CDCP1: variants seen among roughly 807,000 people sequenced by gnomAD.
The protein encoded by CDCP1 is CUB domain containing protein 1.
A neutral mutation model predicts 60.2 loss-of-function variants in CDCP1; 29 were observed. The ratio of observed to expected loss-of-function variants is 0.48; its 90% CI spans 0.36 to 0.66. The LOEUF (loss-of-function observed/expected upper bound fraction) is 0.66, where lower values mean the gene tolerates loss of function less well. CDCP1 is among the 30% of genes least tolerant of loss of function. The pLI is 0.00. For missense variants in CDCP1, 876 were observed against 1,074.3 expected (o/e 0.82, Z 2.58); for synonymous variants, 387 against 431.1 (o/e 0.90, Z 1.27).
At chr3:45,095,322 C>CA (rs1242976862) in intron 5 of CDCP1, 25 bp downstream of exon 5, 2 of 1,603,878 alleles carry the variant, frequency 1.2e-6, no homozygotes, top group African/African-American at 2.7e-5. Context: ...TGGCCAGGGA[C>CA]AAATGCACTG....
chr3:45,116,238 T>TAAAAAAA (rs141194206), intron 2 of CDCP1, among the ~76,000 whole-genome samples: 2 of 135,406 alleles, frequency 1.5e-5, no homozygotes, highest in African/African-American at 2.7e-5. Flanking sequence ...TACTGTTCTG[T>TAAAAAAA]TAAAAAAAAA....
chr3:45,110,825 C>G lies in CDCP1; in HGVS notation c.672G>C (p.Glu224Asp). 1 of 1,613,300 alleles carries G rather than the reference C, an allele frequency of 6.2e-7. No homozygotes were observed. The change falls in exon 4 of 9, where the codon GAG becomes GAC. Residue 224 changes from glutamate to aspartate, a missense_variant. Physicochemically the swap from Glu to Asp is conservative, Grantham distance 45. This residue lies in a region of CDCP1 where 726 missense variants were observed against 935.7 expected (regional missense o/e 0.78). Coordinates refer to ENST00000296129, the MANE Select transcript of CDCP1 (RefSeq NM_022842.5). ...RSSIKRLCIIESVFEGEGSAT... is the reference protein window; with the variant it reads ...RSSIKRLCIIDSVFEGEGSAT... ...CTGAGCCTTCACCCTCAAACACAGA[C>G]TCGATGATGCACAGACCTAGTGGGA...
At chr3:45,123,370 G>C (rs554956633) in intron 1 of CDCP1, among the ~76,000 whole-genome samples, 57 of 152,184 alleles carry the variant, frequency 3.7e-4, no homozygotes, top group African/African-American at 1.4e-3. Context: ...CCCCCACCTG[G>C]TGTCCAGCTC....
intron 7 of CDCP1, 43 bp from the exon 8 acceptor site, chr3:45,089,184 G>T: frequency 6.6e-7 from 1 of 1,523,914 alleles, no homozygotes; most frequent in Non-Finnish European, 9.1e-7. Context: ...AGGCAGCTGG[G>T]GTGAGCTCTG....
rs1284753748 is a variant in CDCP1, at chr3:45,085,880, G to T, written c.2269C>A (p.Pro757Thr). 6.2e-7 allele frequency: 1 copy of T among 1,614,176 alleles called. No individual in the cohort carries two copies. The highest frequency in any genetic ancestry group is 1.7e-5 in the Admixed American group (1 of 60,024). Residue 757 changes from proline to threonine, a missense_variant, in exon 9 of 9, where the codon CCA (proline) becomes ACA (threonine). Physicochemically the swap from Pro to Thr is conservative, Grantham distance 38 (BLOSUM62 -1). Coordinates refer to ENST00000296129, the MANE Select transcript of CDCP1 (RefSeq NM_022842.5). This position sits in a 1 kb window ranked among gnomAD's most constrained non-coding sequence, Gnocchi z 4.2. ...LQDSSGSFLQ[P>T]EVDTYRPFQG... is the part of the protein sequence containing the mutation. ...AACGGCCGGTAGGTGTCCACCTCTG[G>T]CTGCAGGAAGGAGCCGCTGGAATCC...
intron 1 of CDCP1, among the ~76,000 whole-genome samples, chr3:45,133,745 G>A (rs1243359715): frequency 8.5e-6 from 1 of 118,262 alleles, no homozygotes; most frequent in African/African-American, 3.9e-5. Flanking sequence ...AAAAAAAAGA[G>A]GCTAGCAGCC....
chr3:45,140,087 A>G (rs1699258381), intron 1 of CDCP1, among the ~76,000 whole-genome samples: 1 of 152,244 alleles, frequency 6.6e-6, no homozygotes, highest in Admixed American at 6.5e-5. Flanking sequence ...GCCTGGATGT[A>G]CACCATTCTA....
intron 2 of CDCP1, among the ~76,000 whole-genome samples, chr3:45,115,483 TG>T (rs1698772924): frequency 6.6e-6 from 1 of 152,222 alleles, no homozygotes; most frequent in Non-Finnish European, 1.5e-5. Context: ...TAAGCTGCAT[TG>T]TTTTTAATGG....
chr3:45,084,228 T>G lies in CDCP1; in HGVS notation c.*1410A>C, dbSNP rs4683038. The G allele has an allele frequency of 0.6, 90,399 of 151,286 alleles. 30,443 individuals carry two copies. The highest frequency in any genetic ancestry group is 0.88 in the East Asian group (4,461 of 5,068). 9.4% of individuals were successfully genotyped at this position (151,286 alleles called of 1,614,324 possible). A position where few individuals can be genotyped will look rare whatever the true frequency, so the allele number is the denominator to read the frequency against. On this transcript the variant is annotated 3_prime_UTR_variant, in exon 9 of 9. Transcript: ENST00000296129. Reference sequence around the variant, plus strand: ...GCATGGCCAGATCTTCTGATCTGGGTTTTTTTTTAAGTGTTAGAGTCCGCA... The same window carrying G: ...GCATGGCCAGATCTTCTGATCTGGGGTTTTTTTTAAGTGTTAGAGTCCGCA...
chr3:45,144,224 C>A (rs1229375846), intron 1 of CDCP1, among the ~76,000 whole-genome samples: 2 of 152,154 alleles, frequency 1.3e-5, no homozygotes, highest in African/African-American at 4.8e-5. Context: ...TTTTACTCTG[C>A]TGAGTCTTTC....
At chr3:45,123,003 A>ATT (rs35405744) in intron 1 of CDCP1, among the ~76,000 whole-genome samples, 3,713 of 147,522 alleles carry the variant, frequency 0.025, 144 homozygotes, top group African/African-American at 0.085. Flanking sequence ...AGACGTAGGG[A>ATT]TTTTTTTTTT....
intron 1 of CDCP1, among the ~76,000 whole-genome samples, chr3:45,126,245 TC>T (rs1331806575): frequency 2.0e-4 from 29 of 146,124 alleles, no homozygotes; most frequent in Admixed American, 8.9e-4. Context: ...CTTCCTTCCT[TC>T]CTTCTTCTCT....
chr3:45,112,754 C>T (rs910182019), intron 2 of CDCP1, among the ~76,000 whole-genome samples: 2 of 152,228 alleles, frequency 1.3e-5, no homozygotes, highest in African/African-American at 2.4e-5. Flanking sequence ...TGGCCTCCTG[C>T]AGGAATTAAA....
intron 2 of CDCP1, among the ~76,000 whole-genome samples, chr3:45,117,862 T>G (rs1698820220): frequency 6.6e-6 from 1 of 152,112 alleles, no homozygotes. Flanking sequence ...AGGGTTTCAC[T>G]GTGTTGGCCA....
In CDCP1 at chr3:45,091,670, A is replaced by G. The variant is rs2125989989; in HGVS notation, c.1628-132T>C. 2 of 1,118,096 alleles carry G rather than the reference A, an allele frequency of 1.8e-6. No homozygotes were observed. The highest frequency in any genetic ancestry group is 3.3e-5 in the South Asian group (2 of 60,836). 69.3% of individuals were successfully genotyped at this position (1,118,096 alleles called of 1,614,324 possible). A position where few individuals can be genotyped will look rare whatever the true frequency, so the allele number is the denominator to read the frequency against. On this transcript the variant is annotated intron_variant, in intron 6 of 8. Coordinates refer to ENST00000296129, the MANE Select transcript of CDCP1 (RefSeq NM_022842.5). This position sits in a 1 kb window ranked among gnomAD's most constrained non-coding sequence, Gnocchi z 4.8. ...TAACCGAACTTTCTGCGATGATGGA[A>G]ATCTTCTAGATCTGCACCATCTGAT...
In CDCP1 at chr3:45,091,129, A is replaced by ATTTTTT; in HGVS notation, c.1993+38_1993+43dup. The ATTTTTT allele has an allele frequency of 6.4e-7, 1 of 1,569,874 alleles. No homozygotes were observed. The highest frequency in any genetic ancestry group is 1.8e-5 in the Admixed American group (1 of 56,220). ...CTTGCTCTCTATCCTCCAGCTGACA[A>ATTTTTT]TTTTTTGTTCATCACTGTCCCCAAA... On this transcript the variant is annotated intron_variant, in intron 7 of 8. Coordinates refer to ENST00000296129, the MANE Select transcript of CDCP1 (RefSeq NM_022842.5). The surrounding 1 kb of genome is among the most constrained non-coding windows in gnomAD (Gnocchi z 4.8).
intron 4 of CDCP1, among the ~76,000 whole-genome samples, chr3:45,107,311 AT>A (rs1698583112): frequency 6.6e-6 from 1 of 151,600 alleles, no homozygotes; most frequent in Non-Finnish European, 1.5e-5. Flanking sequence ...GGTTCAAGCG[AT>A]TCTCCTGCCT....
intron 1 of CDCP1, among the ~76,000 whole-genome samples, chr3:45,118,847 A>G (rs530903567): frequency 6.6e-6 from 1 of 152,366 alleles, no homozygotes; most frequent in Non-Finnish European, 1.5e-5. Context: ...TGTTTGGATT[A>G]TTAATTTTTC....
At chr3:45,117,533 C>T (rs1698812925) in intron 2 of CDCP1, among the ~76,000 whole-genome samples, 1 of 152,050 alleles carries the variant, frequency 6.6e-6, no homozygotes. Flanking sequence ...CATCATTCTC[C>T]AAAGCAGCCG....
Sources: allele counts gnomAD v4.1 joint callset (sites outside exome capture counted in the v4.1 genomes callset), GRCh38; gene constraint gnomAD v4.1.1; regional missense constraint gnomAD v4.1.1; non-coding constraint Gnocchi (gnomAD v3.1); transcripts MANE v1.5; gene names NCBI Gene and HGNC (gene_info 2026-07-23, HGNC 2026-07-21).